The following YIPF4 variants were observed in gnomAD, a reference collection of about 807,000 sequenced individuals.
The protein encoded by YIPF4 is Yip1 domain family member 4, also known as protein YIPF4.
YIPF4 carries 18 observed loss-of-function variants against 29.4 expected under a neutral mutation model. The observed-to-expected ratio is 0.61, with a 90% CI of 0.42 to 0.91. The LOEUF (loss-of-function observed/expected upper bound fraction) is 0.91. YIPF4 is among the 40% of genes least tolerant of loss of function. YIPF4 has a pLI of 0.00. For synonymous variants in YIPF4, 115 were observed against 104.7 expected (o/e 1.10, Z -0.60); for missense variants, 279 against 282.7 (o/e 0.99, Z 0.09).
intron 5 of YIPF4, among the ~76,000 whole-genome samples, chr2:32,303,326 C>G (rs537386273): frequency 6.6e-6 from 1 of 152,318 alleles, no homozygotes; most frequent in East Asian, 1.9e-4. Flanking sequence ...CACCACTGCA[C>G]TCCAGCCTAG....
chr2:32,292,862 CAA>C (rs1217481341), intron 3 of YIPF4, among the ~76,000 whole-genome samples: 3,717 of 77,974 alleles, frequency 0.048, 78 homozygotes, highest in African/African-American at 0.13. Flanking sequence ...GACTCCATCT[CAA>C]AAAAAAAAAA....
In YIPF4 at chr2:32,280,573, G is replaced by A. The variant is rs182100167; in HGVS notation, c.79+2339G>A. ...TTTTTTTTGTATTTTTAGTAGAGAC[G>A]GGGTTTCACTGTGTTAGCCAGGATG... On this transcript the variant is annotated intron_variant, in intron 1 of 5. Transcript: ENST00000238831. Among the ~76,000 whole-genome samples the A allele has an allele frequency of 4.8e-3, 734 of 151,902 alleles. 4 individuals carry two copies. Among genetic ancestry groups the A allele is most frequent in the African/African-American group, 0.017 (695 of 41,438 alleles).
intron 1 of YIPF4, among the ~76,000 whole-genome samples, chr2:32,282,010 C>T (rs1373667618): frequency 1.3e-5 from 2 of 150,930 alleles, no homozygotes; most frequent in African/African-American, 4.9e-5. Context: ...CTGCAGTGAG[C>T]TGTGATTGTG....
chr2:32,287,840 T>C (rs536008520), intron 1 of YIPF4, among the ~76,000 whole-genome samples: 44 of 152,228 alleles, frequency 2.9e-4, no homozygotes, highest in Non-Finnish European at 5.6e-4. Context: ...ATTGTATCTT[T>C]TTAAATCCAC....
Position 32,311,707 on chromosome 2 carries a change from G to A in YIPF4, c.*6081G>A, listed in dbSNP as rs2031718716. 2 of 152,150 alleles carry A rather than the reference G, an allele frequency of 1.3e-5. No homozygotes were observed. Among genetic ancestry groups the A allele is most frequent in the South Asian group, 4.1e-4 (2 of 4,836 alleles). The allele number at this position is 152,150 out of a possible 1,614,324, so 9.4% of individuals were successfully genotyped here. A position where few individuals can be genotyped will look rare whatever the true frequency, so the allele number is the denominator to read the frequency against. On this transcript the variant is annotated 3_prime_UTR_variant, in exon 6 of 6. Transcript: ENST00000238831. The stretch of plus-strand genomic sequence containing the variant: ...TAATTTTGTTAACACTAGACTATCA[G>A]TAAATTATCAAGAATAAAAACCTTG...
chr2:32,298,859 A>C (rs904383198), intron 4 of YIPF4, among the ~76,000 whole-genome samples: 1 of 151,482 alleles, frequency 6.6e-6, no homozygotes, highest in African/African-American at 2.4e-5. Flanking sequence ...CGCCCAGACA[A>C]AATTTATTTA....
rs1367493833 is a variant in YIPF4 at position 32,305,846 on chromosome 2, C to T, written c.*220C>T. ...TCAGAATTTTAAATTCTGTTTGATT[C>T]TCCATATTCCAGTGAATAAAATACA... On this transcript the variant is annotated 3_prime_UTR_variant, in exon 6 of 6. Coordinates refer to ENST00000238831, the MANE Select transcript of YIPF4 (RefSeq NM_032312.4). 7 of 1,171,988 alleles carry T rather than the reference C, an allele frequency of 6.0e-6. No homozygotes were observed. Among genetic ancestry groups the T allele is most frequent in the African/African-American group, 1.6e-5 (1 of 62,920 alleles). 72.6% of individuals were successfully genotyped at this position (1,171,988 alleles called of 1,614,324 possible).
chr2:32,312,199 C>T lies in YIPF4; in HGVS notation c.*6573C>T, dbSNP rs1266095049. The stretch of plus-strand genomic sequence containing the variant: ...ATAAAATCTTTTACCTTATAAAAAT[C>T]TATTTTCGGCCAGGCGCGGTGGCTC... On this transcript the variant is annotated 3_prime_UTR_variant, in exon 6 of 6. Transcript: ENST00000238831. 2 of 151,996 alleles carry T rather than the reference C, an allele frequency of 1.3e-5. No homozygotes were observed. The highest frequency in any genetic ancestry group is 2.4e-5 in the African/African-American group (1 of 41,382). The allele number at this position is 151,996 out of a possible 1,614,324, so 9.4% of individuals were successfully genotyped here. A position where few individuals can be genotyped will look rare whatever the true frequency, so the allele number is the denominator to read the frequency against.
chr2:32,292,490 C>A lies in YIPF4; in HGVS notation c.405+142C>A, dbSNP rs1053031699. The A allele has an allele frequency of 6.5e-6, 4 of 618,388 alleles. No individual in the cohort carries two copies. In the East Asian group the frequency reaches 1.0e-4, roughly 16 times the overall value. The allele number at this position is 618,388 out of a possible 1,614,324, so 38.3% of individuals were successfully genotyped here. On this transcript the variant is annotated intron_variant, in intron 3 of 5. Coordinates refer to ENST00000238831, the MANE Select transcript of YIPF4 (RefSeq NM_032312.4). ...TTTCTCACTTGTTCATCCCTAAAAC[C>A]GTTCCATAATTAAATAAGTGAGGAG...
intron 1 of YIPF4, among the ~76,000 whole-genome samples, chr2:32,286,832 GA>G (rs1283967871): frequency 1.3e-5 from 2 of 151,998 alleles, no homozygotes; most frequent in Non-Finnish European, 2.9e-5. Context: ...CCACCCTGCT[GA>G]AAAAAACATT....
intron 1 of YIPF4, among the ~76,000 whole-genome samples, chr2:32,283,408 C>G (rs2030521157): frequency 6.6e-6 from 1 of 152,168 alleles, no homozygotes; most frequent in African/African-American, 2.4e-5. Context: ...ATCCCTCATT[C>G]TTAATGATAG....
Position 32,307,047 on chromosome 2 carries a change from G to A in YIPF4, c.*1421G>A, listed in dbSNP as rs76202333. 0.019 allele frequency: 20,852 copies of A among 1,120,840 alleles called. 441 individuals carry two copies. The highest frequency in any genetic ancestry group is 0.1 in the African/African-American group (6,114 of 59,718). 69.4% of individuals were successfully genotyped at this position (1,120,840 alleles called of 1,614,324 possible). A position where few individuals can be genotyped will look rare whatever the true frequency, so the allele number is the denominator to read the frequency against. ...TTTTAAGCTGCAGAAAAAGTGTGGA[G>A]CACTTTTGAGCTAGAATAATGTAGA... is the stretch of plus-strand genomic sequence containing the variant. On this transcript the variant is annotated 3_prime_UTR_variant, in exon 6 of 6. Transcript: ENST00000238831.
chr2:32,284,115 CT>C (rs1233830532), intron 1 of YIPF4, among the ~76,000 whole-genome samples: 1 of 152,134 alleles, frequency 6.6e-6, no homozygotes, highest in Non-Finnish European at 1.5e-5. Flanking sequence ...TGATTGCCTA[CT>C]ATGGATCAGG....
In YIPF4 at chr2:32,312,402, G is replaced by A. The variant is rs1472368298; in HGVS notation, c.*6776G>A. On this transcript the variant is annotated 3_prime_UTR_variant, in exon 6 of 6. Transcript: ENST00000238831. ...ACTCGGGAGGCTGAGGCAGGAGAAT[G>A]GCGTGTACCCGGGAGGCGGAGGTTG... The A allele has an allele frequency of 1.4e-5, 2 of 142,240 alleles. No homozygotes were observed. Among genetic ancestry groups the A allele is most frequent in the Non-Finnish European group, 3.0e-5 (2 of 66,372 alleles). 8.8% of individuals were successfully genotyped at this position (142,240 alleles called of 1,614,324 possible).
At chr2:32,299,106 G>A (rs1397574156) in intron 4 of YIPF4, among the ~76,000 whole-genome samples, 5 of 152,014 alleles carry the variant, frequency 3.3e-5, no homozygotes, top group Non-Finnish European at 5.9e-5. Flanking sequence ...TCAAACTCCC[G>A]ATCTCAAGTG....
chr2:32,306,122 A>G lies in YIPF4; in HGVS notation c.*496A>G. 1.3e-6 allele frequency: 1 copy of G among 767,802 alleles called. No individual in the cohort carries two copies. The highest frequency in any genetic ancestry group is 1.6e-6 in the Non-Finnish European group (1 of 639,004). The allele number at this position is 767,802 out of a possible 1,614,324, so 47.6% of individuals were successfully genotyped here. A position where few individuals can be genotyped will look rare whatever the true frequency, so the allele number is the denominator to read the frequency against. Reference sequence around the variant, plus strand: ...TATTTCTGATAAACATTAAGATATTAAATCTGATGCACAAACTTTTTAATT... The same window carrying G: ...TATTTCTGATAAACATTAAGATATTGAATCTGATGCACAAACTTTTTAATT... On this transcript the variant is annotated 3_prime_UTR_variant, in exon 6 of 6. Transcript: ENST00000238831.
intron 2 of YIPF4, among the ~76,000 whole-genome samples, chr2:32,291,571 A>G (rs1358768506): frequency 2.0e-5 from 3 of 152,140 alleles, no homozygotes; most frequent in South Asian, 2.1e-4. Context: ...ACCGTATACC[A>G]TCAAATCTAA....
intron 5 of YIPF4, among the ~76,000 whole-genome samples, chr2:32,303,122 T>C (rs1481093409): frequency 6.6e-6 from 1 of 152,196 alleles, no homozygotes; most frequent in Non-Finnish European, 1.5e-5. Flanking sequence ...CCCAGCACTT[T>C]GGGAGGCTGA....
At position 32,313,933 on chromosome 2, in the gene YIPF4, A is replaced by G. The variant is rs1573550148; in HGVS notation, c.*8307A>G. ...GGTCTCGAACTGCTAACCTCAGGTG[A>G]TCTGCCCGCCTTGGCCTCCCAAAGT... On this transcript the variant is annotated 3_prime_UTR_variant, in exon 6 of 6. Transcript: ENST00000238831. 6.6e-6 allele frequency: 1 copy of G among 152,292 alleles called. No homozygotes were observed. The highest frequency in any genetic ancestry group is 1.5e-5 in the Non-Finnish European group (1 of 68,054). The allele number at this position is 152,292 out of a possible 1,614,324, so 9.4% of individuals were successfully genotyped here.
Sources: gnomAD v4.1 joint callset for allele counts (sites outside exome capture counted in the v4.1 genomes callset) on GRCh38, gnomAD v4.1.1 for gene constraint, MANE v1.5 for transcripts, NCBI Gene and HGNC (gene_info 2026-07-23, HGNC 2026-07-21) for gene names.